Variants in CYP4B1 observed in about 807,000 individuals in gnomAD.
CYP4B1 encodes the protein cytochrome P450 4B1.
A neutral mutation model predicts 54.0 loss-of-function variants in CYP4B1; 45 were observed. That is an observed-to-expected ratio of 0.83 (90% CI 0.66 to 1.07). The LOEUF is 1.07. CYP4B1 is among the 50% of genes least tolerant of loss of function. CYP4B1 has a pLI of 0.00. For synonymous variants in CYP4B1, 248 were observed against 247.5 expected, an observed-to-expected ratio of 1.00 and a Z score of -0.02; for missense variants, 656 against 655.4, an observed-to-expected ratio of 1.00 and a Z score of -0.01.
Position 46,815,411 on chromosome 1 carries a change from T to G in CYP4B1, c.1073+147T>G, listed in dbSNP as rs1569910475. The stretch of plus-strand genomic sequence containing the variant: ...TCATACCTTTTGTGGTGGTGGGGGG[T>G]GGGGAGAGTGGTTGGCTGGGCACAG... On this transcript the variant is annotated intron_variant, in intron 8 of 11. Transcript: ENST00000371923. 6.0e-6 allele frequency: 4 copies of G among 662,482 alleles called. No individual in the cohort carries two copies. In the East Asian group the frequency reaches 1.3e-4, roughly 21 times the overall value. 41.0% of individuals were successfully genotyped at this position (662,482 alleles called of 1,614,324 possible). A position where few individuals can be genotyped will look rare whatever the true frequency, so the allele number is the denominator to read the frequency against.
chr1:46,815,714 A>G (rs1389824072), intron 8 of CYP4B1, among the ~76,000 whole-genome samples: 1 of 152,178 alleles, frequency 6.6e-6, no homozygotes, highest in Non-Finnish European at 1.5e-5. Flanking sequence ...CCTGCTGGTG[A>G]AGGAGAAAAG....
intron 3 of CYP4B1, 140 bp from the exon 4 acceptor site, chr1:46,812,356 C>A: frequency 1.1e-6 from 1 of 918,936 alleles, no homozygotes; most frequent in Admixed American, 2.0e-5. Flanking sequence ...AGGGTGAGGG[C>A]ATGGAGGGCA....
At chr1:46,812,742 C>CA in intron 4 of CYP4B1, 119 bp downstream of exon 4, 1 of 1,202,954 alleles carries the variant, frequency 8.3e-7, no homozygotes, top group Non-Finnish European at 1.2e-6. Flanking sequence ...AGCTGAGCCC[C>CA]AAGGCCTGTT....
At chr1:46,810,739 C>G in intron 1 of CYP4B1, 69 bp from the exon 2 acceptor site, 1 of 1,583,546 alleles carries the variant, frequency 6.3e-7, no homozygotes, top group Non-Finnish European at 8.6e-7. Flanking sequence ...CCCTGCCCTC[C>G]CAGGGACTTG....
chr1:46,814,413 CCTTTCCT>C, intron 7 of CYP4B1, 98 bp downstream of exon 7: 3 of 836,034 alleles, frequency 3.6e-6, no homozygotes, highest in Non-Finnish European at 5.8e-6. Flanking sequence ...AGCATTTCCC[CCTTTCCT>C]CAGCAAATAT....
At chr1:46,800,717 G>T (rs531315150) in intron 1 of CYP4B1, among the ~76,000 whole-genome samples, 1 of 152,250 alleles carries the variant, frequency 6.6e-6, no homozygotes, top group South Asian at 2.1e-4. Flanking sequence ...CTGGATGGGG[G>T]CACTGCTTCT....
At chr1:46,809,735 C>T (rs1198465201) in intron 1 of CYP4B1, among the ~76,000 whole-genome samples, 3 of 152,186 alleles carry the variant, frequency 2.0e-5, no homozygotes, top group African/African-American at 7.2e-5. Context: ...TTAAGTGTAT[C>T]TTTGAAAGAC....
chr1:46,809,263 C>G (rs2148402624), intron 1 of CYP4B1, among the ~76,000 whole-genome samples: 2 of 152,252 alleles, frequency 1.3e-5, no homozygotes, highest in South Asian at 4.1e-4. Context: ...GGCCCCAGGG[C>G]CATTCATGAG....
rs1279340274 is a variant in CYP4B1, at chr1:46,804,831, A to C, written c.180+5570A>C. On this transcript the variant is annotated intron_variant, in intron 1 of 11. Transcript: ENST00000371923. Reference sequence around the variant, plus strand: ...GGCTGATGCCATGGGGCTTTCCAGAAGGCATTTCTGCTGATCTTTGCTGAA... The same window carrying C: ...GGCTGATGCCATGGGGCTTTCCAGACGGCATTTCTGCTGATCTTTGCTGAA... 2.6e-5 allele frequency among the ~76,000 whole-genome samples: 4 copies of C among 152,310 alleles called. No individual in the cohort carries two copies. In the East Asian group the frequency reaches 7.7e-4, roughly 29 times the overall value.
In CYP4B1 at chr1:46,818,656, A is replaced by G; in HGVS notation, c.1381A>G (p.Met461Val). 6.2e-7 allele frequency: 1 copy of G among 1,614,188 alleles called. No individual in the cohort carries two copies. Among genetic ancestry groups the G allele is most frequent in the Non-Finnish European group, 8.5e-7 (1 of 1,180,026 alleles). ...GAACTGCATTGGGCAGCAGTTTGCC[A>G]TGAGTGAGATGAAGGTGGTCACAGC... ...PRNCIGQQFA[M>V]SEMKVVTAMC... The change falls in exon 12 of 12, where the codon ATG becomes GTG. Residue 461 changes from methionine to valine, a missense_variant. Transcript: ENST00000371923.
In CYP4B1 at chr1:46,807,116, T is replaced by C. The variant is rs558071599; in HGVS notation, c.181-3692T>C. Among the ~76,000 whole-genome samples, 118 of 152,304 alleles carry C rather than the reference T, an allele frequency of 7.7e-4. 1 individual carries two copies. The highest frequency in any genetic ancestry group is 2.6e-3 in the African/African-American group (109 of 41,564). On this transcript the variant is annotated intron_variant, in intron 1 of 11. Coordinates refer to ENST00000371923, the MANE Select transcript of CYP4B1 (RefSeq NM_001099772.2). The stretch of plus-strand genomic sequence containing the variant: ...GCCATCGCTTGGGCTCATGCACATG[T>C]TTTTTATTTATCTTAGTTTTCTTTA...
intron 5 of CYP4B1, 91 bp from the exon 6 acceptor site, chr1:46,813,818 G>A: frequency 6.6e-7 from 1 of 1,514,670 alleles, no homozygotes; most frequent in South Asian, 1.2e-5. Flanking sequence ...AGGATGCTCT[G>A]TGGTTGGGGC....
intron 4 of CYP4B1, among the ~76,000 whole-genome samples, chr1:46,813,257 C>A (rs1679184560): frequency 6.6e-6 from 1 of 152,242 alleles, no homozygotes; most frequent in Non-Finnish European, 1.5e-5. Flanking sequence ...GCAAGATCTG[C>A]CTCCTGGTCC....
chr1:46,809,185 A>C (rs949033816), intron 1 of CYP4B1, among the ~76,000 whole-genome samples: 41 of 145,822 alleles, frequency 2.8e-4, no homozygotes, highest in African/African-American at 8.8e-4. Context: ...TTAAAAAAAA[A>C]CAAAACAAAA....
At chr1:46,813,364 G>A (rs920125859) in intron 4 of CYP4B1, 118 bp from the exon 5 acceptor site, 62 of 1,251,038 alleles carry the variant, frequency 5.0e-5, no homozygotes, top group Non-Finnish European at 6.8e-5. Flanking sequence ...CTGGGAGTGT[G>A]TGAAGGGGGC....
chr1:46,814,145 C>T, intron 6 of CYP4B1, 64 bp from the exon 7 acceptor site: 3 of 1,608,442 alleles, frequency 1.9e-6, no homozygotes, highest in Non-Finnish European at 2.6e-6. Flanking sequence ...CATTATAGGA[C>T]CCCAGTTCCC....
In CYP4B1 at chr1:46,818,999, TG is replaced by T; in HGVS notation, c.*186del. The T allele has an allele frequency of 1.8e-6, 1 of 554,548 alleles. No individual in the cohort carries two copies. Among genetic ancestry groups the T allele is most frequent in the Non-Finnish European group, 3.2e-6 (1 of 313,458 alleles). 34.4% of individuals were successfully genotyped at this position (554,548 alleles called of 1,614,324 possible). On this transcript the variant is annotated 3_prime_UTR_variant, in exon 12 of 12. Coordinates refer to ENST00000371923, the MANE Select transcript of CYP4B1 (RefSeq NM_001099772.2). Reference sequence around the variant, plus strand: ...CTATGTAAAAATGTGTGTCTATAAATGTTTATCATGCATGTATTCTAGAGCT... The same window carrying T: ...CTATGTAAAAATGTGTGTCTATAAATTTTATCATGCATGTATTCTAGAGCT...
In CYP4B1 at chr1:46,799,183, G is replaced by A; in HGVS notation, c.102G>A (p.Leu34=). The change falls in exon 1 of 12, where the codon CTG becomes CTA. Residue 34 remains leucine (L), a synonymous_variant. Transcript: ENST00000371923. The stretch of plus-strand genomic sequence containing the variant: ...TTCTCAAGCTCATCCACCTGCTGCT[G>A]CGGAGGCAGACGTTGGCTAAGGCTA... ...LGFLKLIHLL[L]RRQTLAKAMD... is the part of the protein sequence containing the mutation. 1 of 1,611,976 alleles carries A rather than the reference G, an allele frequency of 6.2e-7. No individual in the cohort carries two copies. Among genetic ancestry groups the A allele is most frequent in the Non-Finnish European group, 8.5e-7 (1 of 1,179,142 alleles).
In CYP4B1 at chr1:46,802,846, A is replaced by G. The variant is rs45452591; in HGVS notation, c.180+3585A>G. On this transcript the variant is annotated intron_variant, in intron 1 of 11. Coordinates refer to ENST00000371923, the MANE Select transcript of CYP4B1 (RefSeq NM_001099772.2). ...GAGTCAGGGAAGGTCCAGGGAGGTG[A>G]TGCTGAGGCACATTCTCAAAGATCT... Among the ~76,000 whole-genome samples the G allele has an allele frequency of 4.4e-3, 671 of 152,312 alleles. 5 individuals carry two copies. Among genetic ancestry groups the G allele is most frequent in the Admixed American group, 9.4e-3 (144 of 15,304 alleles).
Sources: allele counts gnomAD v4.1 joint callset (sites outside exome capture counted in the v4.1 genomes callset), GRCh38; gene constraint gnomAD v4.1.1; transcripts MANE v1.5; gene names NCBI Gene and HGNC (gene_info 2026-07-23, HGNC 2026-07-21).